Variants in PDXDC1 observed in about 807,000 individuals in gnomAD.
PDXDC1 encodes pyridoxal dependent decarboxylase domain containing 1, also known as pyridoxal-dependent decarboxylase domain-containing protein 1.
In PDXDC1, 42 loss-of-function variants were observed where a neutral mutation model predicts 100.1. The ratio of observed to expected loss-of-function variants is 0.42; its 90% CI spans 0.33 to 0.54. The LOEUF is 0.54. PDXDC1 is among the 20% of genes least tolerant of loss of function. PDXDC1 has a pLI of 0.10. For missense variants in PDXDC1, 636 were observed against 979.2 expected, an observed-to-expected ratio of 0.65 and a Z score of 4.68; for synonymous variants, 260 against 371.7, an observed-to-expected ratio of 0.70 and a Z score of 3.46.
chr16:15,027,041 G>A (rs1169796098), intron 14 of PDXDC1, among the ~76,000 whole-genome samples: 3 of 152,224 alleles, frequency 2.0e-5, no homozygotes, highest in Non-Finnish European at 4.4e-5. Context: ...GTATCTTAAA[G>A]AATGACCCAA....
chr16:14,986,792 G>C (rs1969478136), intron 1 of PDXDC1, among the ~76,000 whole-genome samples: 1 of 152,284 alleles, frequency 6.6e-6, no homozygotes, highest in South Asian at 2.1e-4. Flanking sequence ...TGCTGCCCAG[G>C]CTAGAGTGCA....
intron 12 of PDXDC1, among the ~76,000 whole-genome samples, chr16:15,022,019 G>A (rs2042246441): frequency 6.6e-6 from 1 of 152,294 alleles, no homozygotes; most frequent in Admixed American, 6.5e-5. Flanking sequence ...GGAATTTCTT[G>A]AGGGGCTTTC....
the PDXDC1 span, among the ~76,000 whole-genome samples, chr16:15,151,822 T>C: frequency 1.5e-4 from 19 of 129,664 alleles, no homozygotes; most frequent in South Asian, 3.7e-3. Flanking sequence ...TCCCAGCTAC[T>C]CGGGAGGCTG....
At chr16:15,093,685 GGGATTTTAAAAGT>G (rs1400338575) in intron 16 of PDXDC1, among the ~76,000 whole-genome samples, 1 of 152,210 alleles carries the variant, frequency 6.6e-6, no homozygotes, top group Non-Finnish European at 1.5e-5. Flanking sequence ...ACGGGGGTTA[GGGATTTTAAAAGT>G]GGAGCAAAAT....
intron 16 of PDXDC1, chr16:15,094,396 C>G: frequency 1.5e-6 from 1 of 656,340 alleles, no homozygotes; most frequent in South Asian, 1.8e-5. Flanking sequence ...GCCGCTGAAA[C>G]CCGCTCCTCG....
At position 15,036,154 on chromosome 16, in the gene PDXDC1, C is replaced by T. The variant is rs774935299; in HGVS notation, c.2246C>T (p.Thr749Ile). The T allele has an allele frequency of 1.9e-6, 3 of 1,614,168 alleles. No homozygotes were observed. In the Admixed American group the frequency reaches 5.0e-5, roughly 27 times the overall value. Residue 749 changes from threonine to isoleucine, a missense_variant, in exon 23 of 23, where the codon ACT (threonine) becomes ATT (isoleucine). Transcript: ENST00000396410. ...PEQITLEASS[T>I]EGHPGAPSPQ... ...CAGATCACCCTCGAGGCCAGCAGCA[C>T]TGAGGGACACCCAGGGGCTCCCAGC...
chr16:15,038,572 A>C, downstream of PDXDC1: 1 of 1,495,018 alleles, frequency 6.7e-7, no homozygotes, highest in Non-Finnish European at 9.3e-7. Flanking sequence ...GTAAACTCTC[A>C]CCTCTAGTAT....
intron 13 of PDXDC1, 96 bp downstream of exon 13, chr16:15,022,850 A>AT: frequency 9.8e-7 from 1 of 1,023,050 alleles, no homozygotes; most frequent in Non-Finnish European, 1.4e-6. Flanking sequence ...TTTTCTCCAC[A>AT]TTTCAGTGGA....
downstream of PDXDC1, chr16:15,041,068 C>T (rs778360487): frequency 6.3e-7 from 1 of 1,595,662 alleles, no homozygotes; most frequent in South Asian, 1.1e-5. Flanking sequence ...CACTACTTAC[C>T]AATGCCATAT....
chr16:15,081,668 C>T (rs1266940454), intron 16 of PDXDC1, among the ~76,000 whole-genome samples: 10 of 152,090 alleles, frequency 6.6e-5, no homozygotes, highest in East Asian at 1.9e-4. Context: ...AGCATAACAA[C>T]GTTTAATTTT....
downstream of PDXDC1, among the ~76,000 whole-genome samples, chr16:15,139,964 C>T (rs1264929819): frequency 1.3e-5 from 2 of 151,480 alleles, no homozygotes; most frequent in South Asian, 2.1e-4. Flanking sequence ...GGCGTGGTGG[C>T]GGGAGCCTGT....
chr16:15,094,396 C>T lies in PDXDC1; in HGVS notation c.1400-44483C>T, dbSNP rs774658170. 2.6e-4 allele frequency: 169 copies of T among 656,340 alleles called. 1 individual carries two copies. The Middle Eastern group carries it at 7.7e-3, about 30-fold the overall frequency. The allele number at this position is 656,340 out of a possible 1,614,324, so 40.7% of individuals were successfully genotyped here. A position where few individuals can be genotyped will look rare whatever the true frequency, so the allele number is the denominator to read the frequency against. On this transcript the variant is annotated intron_variant, in intron 16 of 16. Transcript: ENST00000535621. ...TCGGCGGGCTAGAGCGCCGCTGAAACCCGCTCCTCGTTCTACTTGGAGGAC... is the reference window on the plus strand; with the variant it reads ...TCGGCGGGCTAGAGCGCCGCTGAAATCCGCTCCTCGTTCTACTTGGAGGAC...
chr16:15,087,779 G>A (rs2096478608), intron 16 of PDXDC1, among the ~76,000 whole-genome samples: 1 of 152,168 alleles, frequency 6.6e-6, no homozygotes, highest in South Asian at 2.1e-4. Flanking sequence ...TAAAAAGACT[G>A]CAACAAAACT....
intron 16 of PDXDC1, among the ~76,000 whole-genome samples, chr16:15,068,541 T>C (rs2045079603): frequency 6.6e-6 from 1 of 152,102 alleles, no homozygotes; most frequent in Non-Finnish European, 1.5e-5. Flanking sequence ...TCCACGACAA[T>C]GTGAAATTCA....
chr16:15,062,392 G>GA (rs1228409526), intron 16 of PDXDC1, among the ~76,000 whole-genome samples: 1 of 152,154 alleles, frequency 6.6e-6, no homozygotes, highest in Admixed American at 6.5e-5. Flanking sequence ...AGAAAAAGAT[G>GA]AAAGGGGCTT....
intron 18 of PDXDC1, 23 bp from the exon 19 acceptor site, chr16:15,033,253 CAA>C: frequency 6.2e-7 from 1 of 1,613,714 alleles, no homozygotes; most frequent in Non-Finnish European, 8.5e-7. Flanking sequence ...CTGAGAAACT[CAA>C]GTTTGTCTCG....
At chr16:14,976,486 T>C (rs1419807894) in intron 1 of PDXDC1, among the ~76,000 whole-genome samples, 1 of 152,288 alleles carries the variant, frequency 6.6e-6, no homozygotes, top group South Asian at 2.1e-4. Context: ...AAGAAAAAGA[T>C]AATATGGTTT....
intron 13 of PDXDC1, among the ~76,000 whole-genome samples, chr16:15,022,955 G>A (rs994058581): frequency 4.6e-5 from 7 of 152,390 alleles, no homozygotes; most frequent in Non-Finnish European, 8.8e-5. Context: ...AGTCTGAAGC[G>A]AAGAAATTTG....
chr16:15,056,055 C>A (rs2044507128), intron 16 of PDXDC1: 2 of 527,572 alleles, frequency 3.8e-6, no homozygotes, highest in Non-Finnish European at 5.0e-6. Flanking sequence ...CCCCGCCCCT[C>A]GGGCCGCGCG....
Sources: allele counts gnomAD v4.1 joint callset (sites outside exome capture counted in the v4.1 genomes callset), GRCh38; gene constraint gnomAD v4.1.1; transcripts MANE v1.5; gene names NCBI Gene and HGNC (gene_info 2026-07-23, HGNC 2026-07-21).